The following ABI1 variants were observed in gnomAD, a reference collection of about 807,000 sequenced individuals.
ABI1 encodes the protein Abelson interactor 1.
A neutral mutation model predicts 54.6 loss-of-function variants in ABI1; 14 were observed. The ratio of observed to expected loss-of-function variants is 0.26; its 90% CI spans 0.17 to 0.40. The LOEUF (loss-of-function observed/expected upper bound fraction) is 0.40. Among genes scored for constraint, ABI1 ranks in the 10% least tolerant of loss-of-function variants. ABI1 has a pLI of 1.00. For missense variants in ABI1, 443 were observed against 598.3 expected, an observed-to-expected ratio of 0.74 and a Z score of 2.71; for synonymous variants, 194 against 209.3, an observed-to-expected ratio of 0.93 and a Z score of 0.63.
chr10:26,810,863 T>A (rs920688246), intron 2 of ABI1, among the ~76,000 whole-genome samples: 1 of 150,994 alleles, frequency 6.6e-6, no homozygotes, highest in Non-Finnish European at 1.5e-5. Flanking sequence ...AGCCAAAATG[T>A]GTTTCCTTGG....
In ABI1 at chr10:26,820,228, T is replaced by C. The variant is rs528657442; in HGVS notation, c.285+2910A>G. Among the ~76,000 whole-genome samples the C allele has an allele frequency of 8.5e-5, 13 of 152,334 alleles. No homozygotes were observed. In the East Asian group the frequency reaches 1.7e-3, roughly 20 times the overall value. On this transcript the variant is annotated intron_variant, in intron 2 of 10. Transcript: ENST00000376140. ...AAGTAGCTGTGTGAGGTGATAGATA[T>C]GCTAGTCAGCTTGATAGTGGTAATC...
chr10:26,748,287 C>A lies in ABI1; in HGVS notation c.*283G>T. ...AATCATGATTCGTTAAATATTATAC[C>A]CCACTTCCCCCAGAATATTTAGGCT... On this transcript the variant is annotated 3_prime_UTR_variant, in exon 11 of 11. Coordinates refer to ENST00000376140, the MANE Select transcript of ABI1 (RefSeq NM_001012750.3). 1 of 290,752 alleles carries A rather than the reference C, an allele frequency of 3.4e-6. No homozygotes were observed. Among genetic ancestry groups the A allele is most frequent in the Non-Finnish European group, 6.5e-6 (1 of 154,490 alleles). The allele number at this position is 290,752 out of a possible 1,614,324, so 18.0% of individuals were successfully genotyped here.
intron 2 of ABI1, among the ~76,000 whole-genome samples, chr10:26,785,184 T>C (rs1435277285): frequency 7.9e-5 from 12 of 152,210 alleles, no homozygotes; most frequent in African/African-American, 2.9e-4. Context: ...TGCATAATCA[T>C]GGGAAAGAAA....
chr10:26,748,871 G>T (rs1002212935), intron 10 of ABI1, 126 bp from the exon 11 acceptor site: 7 of 504,018 alleles, frequency 1.4e-5, no homozygotes, highest in Admixed American at 4.9e-5. Context: ...CTTAATTTTT[G>T]TATCTATCAA....
intron 2 of ABI1, among the ~76,000 whole-genome samples, chr10:26,787,881 G>T (rs563292342): frequency 6.7e-6 from 1 of 149,664 alleles, no homozygotes; most frequent in Non-Finnish European, 1.5e-5. Flanking sequence ...AAAAAAAAGC[G>T]TGCAATCTTG....
rs140847317 is a variant in ABI1 at position 26,801,474 on chromosome 10, G to A, written c.285+21664C>T. 3.3e-5 allele frequency among the ~76,000 whole-genome samples: 5 copies of A among 152,138 alleles called. No homozygotes were observed. In the South Asian group the frequency reaches 1.0e-3, roughly 32 times the overall value. ...AGGTGGCAGGATGACTTGAGCCCGG[G>A]ACGCAGAGGTTGCGGTGAGCCAAGA... On this transcript the variant is annotated intron_variant, in intron 2 of 10. Transcript: ENST00000376140.
chr10:26,801,166 T>G (rs2046526847), intron 2 of ABI1, among the ~76,000 whole-genome samples: 2 of 152,216 alleles, frequency 1.3e-5, no homozygotes, highest in African/African-American at 4.8e-5. Context: ...ATTTGTTGAT[T>G]AGATGGTAGC....
intron 9 of ABI1, among the ~76,000 whole-genome samples, chr10:26,752,612 A>G (rs1261305648): frequency 1.3e-5 from 2 of 152,096 alleles, no homozygotes; most frequent in Admixed American, 6.6e-5. Context: ...AATTAAAAAA[A>G]ACAAACAAAA....
chr10:26,819,964 T>C (rs1170533718), intron 2 of ABI1, among the ~76,000 whole-genome samples: 1 of 152,140 alleles, frequency 6.6e-6, no homozygotes, highest in Non-Finnish European at 1.5e-5. Context: ...CTTTTTCAGA[T>C]GTGGAATCTA....
At chr10:26,749,871 T>C (rs536611077) in intron 10 of ABI1, among the ~76,000 whole-genome samples, 55 of 152,362 alleles carry the variant, frequency 3.6e-4, no homozygotes, top group African/African-American at 1.3e-3. Context: ...TGACAGAGAC[T>C]GTATAGCCAG....
intron 9 of ABI1, among the ~76,000 whole-genome samples, chr10:26,753,571 C>T (rs1229516827): frequency 6.6e-6 from 1 of 152,280 alleles, no homozygotes; most frequent in East Asian, 1.9e-4. Context: ...GATGTAAACA[C>T]ACTGCTGACT....
chr10:26,794,319 CAGG>C (rs1242341828), intron 2 of ABI1, among the ~76,000 whole-genome samples: 1 of 151,922 alleles, frequency 6.6e-6, no homozygotes, highest in Non-Finnish European at 1.5e-5. Flanking sequence ...ACACAGGAGG[CAGG>C]AGAATTGCTT....
intron 1 of ABI1, among the ~76,000 whole-genome samples, chr10:26,842,242 T>C (rs1230564627): frequency 1.3e-5 from 2 of 152,242 alleles, no homozygotes; most frequent in South Asian, 2.1e-4. Flanking sequence ...TGAAAAAACA[T>C]CTGTTCAAGT....
chr10:26,782,828 C>T (rs1012075959), intron 2 of ABI1, among the ~76,000 whole-genome samples: 22 of 152,172 alleles, frequency 1.4e-4, no homozygotes, highest in African/African-American at 5.3e-4. Context: ...GTGACACAAC[C>T]TCACATCCAT....
chr10:26,853,234 C>CA (rs35205764), intron 1 of ABI1, among the ~76,000 whole-genome samples: 40,376 of 85,404 alleles, frequency 0.47, 10,894 homozygotes, highest in South Asian at 0.6. Flanking sequence ...GACTCCATCT[C>CA]AAAAAAAAAA....
intron 7 of ABI1, among the ~76,000 whole-genome samples, chr10:26,760,988 G>A (rs1839074424): frequency 1.3e-5 from 2 of 150,960 alleles, no homozygotes; most frequent in Non-Finnish European, 2.9e-5. Flanking sequence ...TGTCGCCCAG[G>A]CTGGAGTGCA....
intron 7 of ABI1, among the ~76,000 whole-genome samples, chr10:26,762,538 T>G (rs1364714477): frequency 6.6e-6 from 1 of 152,210 alleles, no homozygotes; most frequent in Admixed American, 6.5e-5. Context: ...AGCCTTTTGT[T>G]GACATGGGTT....
At chr10:26,821,054 C>A (rs1462760506) in intron 2 of ABI1, among the ~76,000 whole-genome samples, 3 of 151,074 alleles carry the variant, frequency 2.0e-5, no homozygotes, top group African/African-American at 7.3e-5. Flanking sequence ...ACCAGCCTGG[C>A]CAACATGGTG....
chr10:26,820,227 ATGC>A (rs1344922222), intron 2 of ABI1, among the ~76,000 whole-genome samples: 1 of 152,236 alleles, frequency 6.6e-6, no homozygotes, highest in Non-Finnish European at 1.5e-5. Flanking sequence ...GGTGATAGAT[ATGC>A]TAGTCAGCTT....
Sources: allele counts gnomAD v4.1 joint callset (sites outside exome capture counted in the v4.1 genomes callset), GRCh38; gene constraint gnomAD v4.1.1; transcripts MANE v1.5; gene names NCBI Gene and HGNC (gene_info 2026-07-23, HGNC 2026-07-21).